Variants in PRKAR2B observed in about 807,000 individuals in gnomAD.
PRKAR2B encodes the protein protein kinase cAMP-dependent type II regulatory subunit beta, also known as cAMP-dependent protein kinase type II-beta regulatory subunit.
A neutral mutation model predicts 49.9 loss-of-function variants in PRKAR2B; 14 were observed. The ratio of observed to expected loss-of-function variants is 0.28; its 90% confidence interval spans 0.19 to 0.44. PRKAR2B has a LOEUF of 0.44. PRKAR2B is among the 20% of genes least tolerant of loss of function. The pLI, the probability that PRKAR2B is intolerant of heterozygous loss-of-function variation, is 1.00. For missense variants in PRKAR2B, 393 were observed against 537.9 expected, an observed-to-expected ratio of 0.73 and a Z score of 2.67; for synonymous variants, 196 against 197.7, an observed-to-expected ratio of 0.99 and a Z score of 0.07.
chr7:107,115,573 C>T (rs1294977653), intron 2 of PRKAR2B, among the ~76,000 whole-genome samples: 10 of 152,146 alleles, frequency 6.6e-5, no homozygotes, highest in Non-Finnish European at 4.4e-5. Context: ...ATTCTGTAGA[C>T]TTTTAAATTA....
chr7:107,145,674 C>T (rs1319998717), intron 5 of PRKAR2B, among the ~76,000 whole-genome samples: 1 of 151,078 alleles, frequency 6.6e-6, no homozygotes, highest in Non-Finnish European at 1.5e-5. Flanking sequence ...TTACCTTGGA[C>T]TTCCAAATTG....
rs1795718597 is a variant in PRKAR2B at position 107,137,456 on chromosome 7, TATCCAGTGCCCTGTTG to T, written c.481-3388_481-3373del. ...GTGAATGGATATATGACAGCTTATT[TATCCAGTGCCCTGTTG>T]ATAAACTGTTAGTTTGTTTCCAGTC... On this transcript the variant is annotated intron_variant, in intron 4 of 10. Coordinates refer to ENST00000265717, the MANE Select transcript of PRKAR2B (RefSeq NM_002736.3). Among the ~76,000 whole-genome samples the T allele has an allele frequency of 9.8e-5, 15 of 152,378 alleles. No individual in the cohort carries two copies. In the South Asian group the frequency reaches 3.1e-3, roughly 32 times the overall value.
intron 2 of PRKAR2B, among the ~76,000 whole-genome samples, chr7:107,107,827 T>G (rs1795103724): frequency 6.6e-6 from 1 of 152,092 alleles, no homozygotes; most frequent in Admixed American, 6.5e-5. Flanking sequence ...CCAGCTAATT[T>G]TTGTATTCTT....
intron 5 of PRKAR2B, among the ~76,000 whole-genome samples, chr7:107,144,604 G>A (rs906201302): frequency 6.6e-6 from 1 of 151,666 alleles, no homozygotes; most frequent in African/African-American, 2.4e-5. Context: ...AGGAGTACAG[G>A]CATGTGCCAC....
intron 2 of PRKAR2B, among the ~76,000 whole-genome samples, chr7:107,093,019 A>C (rs1794760370): frequency 6.6e-6 from 1 of 152,164 alleles, no homozygotes; most frequent in Non-Finnish European, 1.5e-5. Context: ...TAATGTTTTC[A>C]AGGTTCATTC....
chr7:107,061,022 A>G (rs919200003), intron 1 of PRKAR2B, among the ~76,000 whole-genome samples: 4 of 152,102 alleles, frequency 2.6e-5, no homozygotes, highest in Non-Finnish European at 5.9e-5. Context: ...TAAATGTTAA[A>G]TTTCCATTTA....
intron 5 of PRKAR2B, among the ~76,000 whole-genome samples, chr7:107,145,859 C>A (rs1254264837): frequency 1.3e-5 from 2 of 151,432 alleles, no homozygotes; most frequent in Non-Finnish European, 2.9e-5. Flanking sequence ...CCTGCCTCAG[C>A]CTCCCGAGTA....
chr7:107,067,658 T>C (rs899010615), intron 1 of PRKAR2B, among the ~76,000 whole-genome samples: 3 of 152,194 alleles, frequency 2.0e-5, no homozygotes, highest in African/African-American at 7.2e-5. Flanking sequence ...CCCACCTAGA[T>C]GTGGAGGCTC....
chr7:107,117,621 A>G (rs185806606), intron 2 of PRKAR2B, among the ~76,000 whole-genome samples: 2 of 152,308 alleles, frequency 1.3e-5, no homozygotes, highest in African/African-American at 4.8e-5. Context: ...TGGGTCATGT[A>G]TACTTGTCTA....
chr7:107,098,328 C>T (rs1016595097), intron 2 of PRKAR2B, among the ~76,000 whole-genome samples: 6 of 152,166 alleles, frequency 3.9e-5, no homozygotes, highest in African/African-American at 7.2e-5. Context: ...GCATGCATCA[C>T]GTAGTTCTTG....
chr7:107,099,645 T>C (rs1468284113), intron 2 of PRKAR2B, among the ~76,000 whole-genome samples: 1 of 151,618 alleles, frequency 6.6e-6, no homozygotes, highest in East Asian at 1.9e-4. Context: ...AAATCTTTTT[T>C]TTTTTTTTTT....
In PRKAR2B at chr7:107,104,286, C is replaced by T. The variant is rs571856605; in HGVS notation, c.344-17666C>T. ...CTGAGCTCAGGCAGTTCACCTGCCTCTGCCTCCCAAAGTGCTGGGATTACA... is the reference window on the plus strand; with the variant it reads ...CTGAGCTCAGGCAGTTCACCTGCCTTTGCCTCCCAAAGTGCTGGGATTACA... On this transcript the variant is annotated intron_variant, in intron 2 of 10. Transcript: ENST00000265717. Among the ~76,000 whole-genome samples the T allele has an allele frequency of 3.2e-4, 48 of 152,318 alleles. 1 individual carries two copies. Among genetic ancestry groups the T allele is most frequent in the African/African-American group, 9.1e-4 (38 of 41,578 alleles).
intron 5 of PRKAR2B, among the ~76,000 whole-genome samples, chr7:107,141,255 A>G (rs1795785734): frequency 6.6e-6 from 1 of 152,236 alleles, no homozygotes; most frequent in Non-Finnish European, 1.5e-5. Flanking sequence ...ATGTAGTAGT[A>G]TTAGTATGTA....
intron 5 of PRKAR2B, among the ~76,000 whole-genome samples, chr7:107,143,958 T>G (rs769023242): frequency 2.6e-5 from 4 of 152,308 alleles, no homozygotes; most frequent in Non-Finnish European, 5.9e-5. Flanking sequence ...AAACTAACCC[T>G]GTACTTGAAA....
chr7:107,144,058 T>TTATA (rs1795840340), intron 5 of PRKAR2B, among the ~76,000 whole-genome samples: 2 of 23,214 alleles, frequency 8.6e-5, no homozygotes, highest in Non-Finnish European at 1.7e-4. Flanking sequence ...CTTTTCTTAT[T>TTATA]TATTTATTTA....
At chr7:107,147,795 C>A (rs548345495) in intron 6 of PRKAR2B, among the ~76,000 whole-genome samples, 2 of 152,322 alleles carry the variant, frequency 1.3e-5, no homozygotes, top group East Asian at 3.9e-4. Flanking sequence ...TTATTTCTCT[C>A]AAATCCTTTT....
intron 1 of PRKAR2B, among the ~76,000 whole-genome samples, chr7:107,055,696 G>A (rs1793899463): frequency 6.6e-6 from 1 of 152,184 alleles, no homozygotes; most frequent in South Asian, 2.1e-4. Flanking sequence ...TGAGTTCATT[G>A]TAGATTCTGG....
chr7:107,069,054 C>A lies in PRKAR2B; in HGVS notation c.308-1227C>A, dbSNP rs530613078. On this transcript the variant is annotated intron_variant, in intron 1 of 10. Coordinates refer to ENST00000265717, the MANE Select transcript of PRKAR2B (RefSeq NM_002736.3). ...GGTTCAAGCGATTCTCCTGCCCCAG[C>A]CTCCCAAGTAGCTGGGATTAGAGGC... Among the ~76,000 whole-genome samples, 8 of 152,196 alleles carry A rather than the reference C, an allele frequency of 5.3e-5. No individual in the cohort carries two copies. The East Asian group carries it at 1.4e-3, about 26-fold the overall frequency.
At chr7:107,108,839 T>C (rs935191419) in intron 2 of PRKAR2B, among the ~76,000 whole-genome samples, 3 of 152,162 alleles carry the variant, frequency 2.0e-5, no homozygotes, top group Admixed American at 1.3e-4. Flanking sequence ...CTGATACAAG[T>C]GAACCCCAGA....
Sources: gnomAD v4.1 joint callset for allele counts (sites outside exome capture counted in the v4.1 genomes callset) on GRCh38, gnomAD v4.1.1 for gene constraint, MANE v1.5 for transcripts, NCBI Gene and HGNC (gene_info 2026-07-23, HGNC 2026-07-21) for gene names.